The following SPIDR variants were observed in gnomAD, a reference collection of about 807,000 sequenced individuals.
The protein encoded by SPIDR is DNA repair-scaffolding protein.
Under a neutral mutation model 104.6 loss-of-function variants are expected in SPIDR, and 93 were observed. The observed-to-expected ratio is 0.89, with a 90% CI of 0.75 to 1.06. SPIDR has a LOEUF of 1.06. SPIDR is among the 50% of genes least tolerant of loss of function. SPIDR has a pLI of 0.00. For synonymous variants in SPIDR, 431 were observed against 416.9 expected (o/e 1.03, Z -0.41); for missense variants, 1,154 against 1,111.2 (o/e 1.04, Z -0.55).
chr8:47,606,088 C>T (rs1259371433), intron 10 of SPIDR, among the ~76,000 whole-genome samples: 2 of 152,134 alleles, frequency 1.3e-5, no homozygotes, highest in Non-Finnish European at 2.9e-5. Flanking sequence ...TGAAGTGTGA[C>T]CACTGCTGTC....
intron 5 of SPIDR, among the ~76,000 whole-genome samples, chr8:47,318,091 G>A (rs925769804): frequency 1.3e-5 from 2 of 152,146 alleles, no homozygotes; most frequent in South Asian, 2.1e-4. Context: ...AAAGCTGGAC[G>A]GAGAGTGACT....
At chr8:47,278,096 C>CTTTTTTTTTTTTTTTT (rs71225674) in intron 1 of SPIDR, among the ~76,000 whole-genome samples, 1 of 137,268 alleles carries the variant, frequency 7.3e-6, no homozygotes, top group Non-Finnish European at 1.6e-5. Context: ...TTTTCTTTCT[C>CTTTTTTTTTTTTTTTT]TTTTTTTTTT....
intron 7 of SPIDR, among the ~76,000 whole-genome samples, chr8:47,431,502 C>T (rs574249087): frequency 6.6e-6 from 1 of 152,326 alleles, no homozygotes; most frequent in African/African-American, 2.4e-5. Context: ...ACCTTCCGAA[C>T]AAGCTATTCC....
intron 7 of SPIDR, among the ~76,000 whole-genome samples, chr8:47,426,145 T>C (rs1391924138): frequency 6.6e-6 from 1 of 151,868 alleles, no homozygotes; most frequent in Non-Finnish European, 1.5e-5. Context: ...TCCCAGCTAC[T>C]TGGGAGGCTG....
At chr8:47,403,256 T>C (rs1554664684) in intron 6 of SPIDR, among the ~76,000 whole-genome samples, 1 of 152,212 alleles carries the variant, frequency 6.6e-6, no homozygotes, top group African/African-American at 2.4e-5. Context: ...TCATACTGAA[T>C]GAGCAAAAAC....
intron 8 of SPIDR, among the ~76,000 whole-genome samples, chr8:47,519,782 C>T (rs1487414248): frequency 1.3e-5 from 2 of 151,890 alleles, no homozygotes; most frequent in Admixed American, 6.6e-5. Flanking sequence ...AAGACCCTGC[C>T]TCAACAAACA....
intron 8 of SPIDR, among the ~76,000 whole-genome samples, chr8:47,517,143 C>A (rs922563555): frequency 1.3e-5 from 2 of 152,010 alleles, no homozygotes; most frequent in African/African-American, 2.4e-5. Flanking sequence ...TGCCACCACG[C>A]CCAGCTAATT....
At chr8:47,303,308 G>T (rs144864016) in intron 5 of SPIDR, among the ~76,000 whole-genome samples, 3 of 152,198 alleles carry the variant, frequency 2.0e-5, no homozygotes, top group Admixed American at 2.0e-4. Flanking sequence ...GCAGTATTAG[G>T]GTTGGAGTGA....
intron 7 of SPIDR, among the ~76,000 whole-genome samples, chr8:47,413,522 T>C (rs542434985): frequency 6.6e-6 from 1 of 152,360 alleles, no homozygotes; most frequent in African/African-American, 2.4e-5. Flanking sequence ...ATAGTCCAAA[T>C]TGGACTTTGC....
chr8:47,621,875 G>T (rs1297735937), intron 10 of SPIDR, among the ~76,000 whole-genome samples: 1 of 152,220 alleles, frequency 6.6e-6, no homozygotes, highest in Non-Finnish European at 1.5e-5. Context: ...TGAGGCGGGA[G>T]AATTGCTTGA....
At position 47,735,501 on chromosome 8, in the gene SPIDR, T is replaced by G. The variant is rs1589668371; in HGVS notation, c.*51T>G. On this transcript the variant is annotated 3_prime_UTR_variant, in exon 20 of 20. Transcript: ENST00000297423. Reference sequence around the variant, plus strand: ...TGCAATGTGGCTGCAAGGGTGGTGGTGGTGGTGGTGATTTGGGGTAGTTAT... The same window carrying G: ...TGCAATGTGGCTGCAAGGGTGGTGGGGGTGGTGGTGATTTGGGGTAGTTAT... 6.2e-7 allele frequency: 1 copy of G among 1,613,384 alleles called. No individual in the cohort carries two copies. The highest frequency in any genetic ancestry group is 8.5e-7 in the Non-Finnish European group (1 of 1,179,766).
chr8:47,274,183 G>A (rs2035901395), intron 1 of SPIDR, among the ~76,000 whole-genome samples: 1 of 152,168 alleles, frequency 6.6e-6, no homozygotes, highest in Non-Finnish European at 1.5e-5. Context: ...TATATTTCAT[G>A]TTATAGCACA....
At chr8:47,683,044 T>C (rs1274214406) in intron 11 of SPIDR, among the ~76,000 whole-genome samples, 1 of 152,214 alleles carries the variant, frequency 6.6e-6, no homozygotes, top group African/African-American at 2.4e-5. Flanking sequence ...GGAGGATGAA[T>C]GAGAACCACA....
At chr8:47,585,683 G>A (rs543660454) in intron 8 of SPIDR, among the ~76,000 whole-genome samples, 2 of 152,226 alleles carry the variant, frequency 1.3e-5, no homozygotes, top group Admixed American at 1.3e-4. Context: ...GTTGCATCTG[G>A]TGAGGGCCTT....
At chr8:47,635,646 T>G (rs921838614) in intron 10 of SPIDR, among the ~76,000 whole-genome samples, 4 of 152,044 alleles carry the variant, frequency 2.6e-5, no homozygotes, top group African/African-American at 7.2e-5. Flanking sequence ...GAAGCAAGAG[T>G]TTGAGTCTGT....
At position 47,268,662 on chromosome 8, in the gene SPIDR, T is replaced by G. The variant is rs367851526; in HGVS notation, c.33+7671T>G. Among the ~76,000 whole-genome samples the G allele has an allele frequency of 3.8e-3, 573 of 152,302 alleles. 3 individuals carry two copies. The highest frequency in any genetic ancestry group is 0.022 in the South Asian group (108 of 4,826). On this transcript the variant is annotated intron_variant, in intron 1 of 19. Transcript: ENST00000297423. ...TGGTAGAGATGGAGTCTCGCTGTGT[T>G]GCCCAGGCTGGTCTCAAATTCCTGG...
rs2072178112 is a variant in SPIDR at position 47,653,903 on chromosome 8, A to T, written c.1545-19898A>T. 1.1e-5 allele frequency: 10 copies of T among 923,306 alleles called. No homozygotes were observed. In the Admixed American group the frequency reaches 3.1e-4, roughly 28 times the overall value. 57.2% of individuals were successfully genotyped at this position (923,306 alleles called of 1,614,324 possible). A position where few individuals can be genotyped will look rare whatever the true frequency, so the allele number is the denominator to read the frequency against. On this transcript the variant is annotated intron_variant, in intron 10 of 19. Transcript: ENST00000297423. Reference sequence around the variant, plus strand: ...TTTTAATGCAAAGGAAAAAAAGGAAAAAGAATTGTTTACACTATGGGAATA... The same window carrying T: ...TTTTAATGCAAAGGAAAAAAAGGAATAAGAATTGTTTACACTATGGGAATA...
intron 8 of SPIDR, among the ~76,000 whole-genome samples, chr8:47,486,510 A>T (rs1417322455): frequency 1.3e-5 from 2 of 152,176 alleles, no homozygotes; most frequent in African/African-American, 4.8e-5. Context: ...CGCCACAAAG[A>T]TACTCCTCGA....
chr8:47,356,176 C>T (rs1418939809), intron 5 of SPIDR, among the ~76,000 whole-genome samples: 1 of 152,134 alleles, frequency 6.6e-6, no homozygotes, highest in African/African-American at 2.4e-5. Context: ...GTGATAACAG[C>T]GTAATAGATA....
Sources: allele counts gnomAD v4.1 joint callset (sites outside exome capture counted in the v4.1 genomes callset), GRCh38; gene constraint gnomAD v4.1.1; transcripts MANE v1.5; gene names NCBI Gene and HGNC (gene_info 2026-07-23, HGNC 2026-07-21).